SUB1: variants seen among roughly 807,000 people sequenced by gnomAD.
The protein encoded by SUB1 is SUB1 regulator of transcription.
A neutral mutation model predicts 16.9 loss-of-function variants in SUB1; 1 was observed. The observed-to-expected ratio is 0.06, with a 90% CI of 0.02 to 0.28. The LOEUF (loss-of-function observed/expected upper bound fraction) is 0.28. Among genes scored for constraint, SUB1 ranks in the 10% least tolerant of loss-of-function variants. The pLI is 1.00. For synonymous variants in SUB1, 51 were observed against 46.9 expected, an observed-to-expected ratio of 1.09 and a Z score of -0.36; for missense variants, 84 against 145.2, an observed-to-expected ratio of 0.58 and a Z score of 2.16.
At position 32,591,616 on chromosome 5, in the gene SUB1, A is replaced by G. The variant is rs777832869; in HGVS notation, c.126A>G (p.Thr42=). ...APEKPVKKQK[T]GETSRALSSS... ...AAAAACCTGTAAAGAAACAAAAGAC[A>G]GGTGAGACTTCGAGAGCCCTGTCAT... The change falls in exon 3 of 5, where the codon ACA becomes ACG. Residue 42 remains threonine (T), a synonymous_variant. Coordinates refer to ENST00000265073, the MANE Select transcript of SUB1 (RefSeq NM_006713.4). 1.4e-5 allele frequency: 23 copies of G among 1,610,976 alleles called. No individual in the cohort carries two copies. The South Asian group carries it at 2.2e-4, about 16-fold the overall frequency.
At chr5:32,597,286 T>G (rs1738992049) in intron 3 of SUB1, 1 of 152,356 alleles carries the variant, frequency 6.6e-6, no homozygotes, top group African/African-American at 2.4e-5. Flanking sequence ...TTTTTGTTCC[T>G]GTGAACTTGA....
intron 2 of SUB1, chr5:32,591,312 CT>C: frequency 3.3e-6 from 1 of 307,128 alleles, no homozygotes; most frequent in Non-Finnish European, 5.6e-6. Context: ...ATAACCGTTC[CT>C]GTGGTTAATA....
chr5:32,585,973 T>G (rs1464477570), intron 1 of SUB1: 1 of 152,188 alleles, frequency 6.6e-6, no homozygotes, highest in East Asian at 1.9e-4. Context: ...CCTGCCTAGG[T>G]GGGGCGCGTG....
intron 4 of SUB1, 86 bp downstream of exon 4, chr5:32,599,155 C>G (rs1232961154): frequency 1.1e-6 from 1 of 911,390 alleles, no homozygotes; most frequent in African/African-American, 1.7e-5. Flanking sequence ...GTTGGCAGGA[C>G]ACACGGGGCA....
rs869162096 is a variant in SUB1, at chr5:32,603,829, ATCTC to A, written c.*2748_*2751del. On this transcript the variant is annotated 3_prime_UTR_variant, in exon 5 of 5. Coordinates refer to ENST00000265073, the MANE Select transcript of SUB1 (RefSeq NM_006713.4). ...AAAGTAAAAGTACTTAAATTTAGGT[ATCTC>A]TCCTGAAATTCTTTGCAGTTCATTT... is the stretch of plus-strand genomic sequence containing the variant. 1.3e-5 allele frequency: 2 copies of A among 152,164 alleles called. No homozygotes were observed. Among genetic ancestry groups the A allele is most frequent in the African/African-American group, 4.8e-5 (2 of 41,446 alleles). 9.4% of individuals were successfully genotyped at this position (152,164 alleles called of 1,614,324 possible).
chr5:32,592,998 G>A (rs541075790), intron 3 of SUB1, among the ~76,000 whole-genome samples: 1 of 152,252 alleles, frequency 6.6e-6, no homozygotes, highest in South Asian at 2.1e-4. Flanking sequence ...AAACCAAAAA[G>A]TTGGGTGGAA....
chr5:32,591,420 G>A lies in SUB1; in HGVS notation c.73-143G>A, dbSNP rs777620917. On this transcript the variant is annotated intron_variant, in intron 2 of 4. Coordinates refer to ENST00000265073, the MANE Select transcript of SUB1 (RefSeq NM_006713.4). ...TGGTTAGATTCATAGTTTTGTTGTT[G>A]AGTGAAACTTGCTTATGTATATATT... 10 of 1,144,854 alleles carry A rather than the reference G, an allele frequency of 8.7e-6. No homozygotes were observed. The African/African-American group carries it at 1.6e-4, about 18-fold the overall frequency. The allele number at this position is 1,144,854 out of a possible 1,614,324, so 70.9% of individuals were successfully genotyped here.
In SUB1 at chr5:32,603,384, A is replaced by G. The variant is rs1435438420; in HGVS notation, c.*2300A>G. 2 of 152,142 alleles carry G rather than the reference A, an allele frequency of 1.3e-5. No homozygotes were observed. Among genetic ancestry groups the G allele is most frequent in the Non-Finnish European group, 2.9e-5 (2 of 67,984 alleles). The allele number at this position is 152,142 out of a possible 1,614,324, so 9.4% of individuals were successfully genotyped here. On this transcript the variant is annotated 3_prime_UTR_variant, in exon 5 of 5. Coordinates refer to ENST00000265073, the MANE Select transcript of SUB1 (RefSeq NM_006713.4). Reference sequence around the variant, plus strand: ...TTAGGCGTAGATACCTTACCTTACAATGCCAAAATGAATTTAATTCCAGTA... The same window carrying G: ...TTAGGCGTAGATACCTTACCTTACAGTGCCAAAATGAATTTAATTCCAGTA...
chr5:32,597,794 A>G (rs187072994), intron 3 of SUB1: 50 of 152,342 alleles, frequency 3.3e-4, no homozygotes, highest in Admixed American at 7.2e-4. Flanking sequence ...TAACATAAAC[A>G]GTTAACATAT....
At chr5:32,600,898 C>G in intron 4 of SUB1, 107 bp from the exon 5 acceptor site, 1 of 1,023,602 alleles carries the variant, frequency 9.8e-7, no homozygotes, top group South Asian at 1.3e-5. Flanking sequence ...AGCCACCGCG[C>G]CCAGCCTAAA....
At position 32,601,051 on chromosome 5, in the gene SUB1, T is replaced by G; in HGVS notation, c.351T>G (p.Ile117Met). 1 of 1,612,172 alleles carries G rather than the reference T, an allele frequency of 6.2e-7. No individual in the cohort carries two copies. Among genetic ancestry groups the G allele is most frequent in the Non-Finnish European group, 8.5e-7 (1 of 1,179,802 alleles). Residue 117 changes from isoleucine (I) to methionine (M), a missense_variant, in exon 5 of 5, where the codon ATT becomes ATG. This residue lies in a region of SUB1 where 24 missense variants were observed against 80.3 expected (regional missense o/e 0.30). Transcript: ENST00000265073. ...AATGGAGCCAGCTGAAGGAACAGAT[T>G]TCTGACATTGATGATGCAGTAAGAA... ...PEQWSQLKEQ[I>M]SDIDDAVRKL
At chr5:32,592,547 G>C (rs368980242) in intron 3 of SUB1, among the ~76,000 whole-genome samples, 1 of 152,208 alleles carries the variant, frequency 6.6e-6, no homozygotes, top group Admixed American at 6.5e-5. Flanking sequence ...ATGCAGGTGA[G>C]ATTGCTTAGG....
At chr5:32,587,931 A>G (rs1214346766) in intron 1 of SUB1, among the ~76,000 whole-genome samples, 1 of 152,072 alleles carries the variant, frequency 6.6e-6, no homozygotes, top group Non-Finnish European at 1.5e-5. Context: ...AATTTTGTGT[A>G]CTCTTGAATT....
intron 4 of SUB1, among the ~76,000 whole-genome samples, chr5:32,600,546 T>C (rs997583325): frequency 6.6e-6 from 1 of 152,122 alleles, no homozygotes; most frequent in Non-Finnish European, 1.5e-5. Context: ...TGTGATGATA[T>C]GTAATTAACA....
chr5:32,596,916 T>C (rs1447410457), intron 3 of SUB1: 1 of 152,228 alleles, frequency 6.6e-6, no homozygotes, highest in Non-Finnish European at 1.5e-5. Context: ...TGAAAAATAA[T>C]TTTCTGTGAA....
At chr5:32,598,783 A>C (rs1739043765) in intron 3 of SUB1, 178 bp from the exon 4 acceptor site, 2 of 424,374 alleles carry the variant, frequency 4.7e-6, no homozygotes, top group Non-Finnish European at 8.3e-6. Context: ...TTTATTGAAA[A>C]AAATATGCAT....
intron 3 of SUB1, among the ~76,000 whole-genome samples, chr5:32,594,392 T>C (rs116823256): frequency 0.014 from 2,200 of 152,330 alleles, 56 homozygotes; most frequent in African/African-American, 0.049. Flanking sequence ...TTAATCCATA[T>C]TTTTCTTCAG....
rs1739001300 is a variant in SUB1, at chr5:32,597,636, T to C, written c.196-1325T>C. ...CAGCAATTTCCTTTGGTTGCAGTTT[T>C]GATACTGAGAGTAGTACAGTTGACC... is the stretch of plus-strand genomic sequence containing the variant. On this transcript the variant is annotated intron_variant, in intron 3 of 4. Transcript: ENST00000265073. 3 of 152,320 alleles carry C rather than the reference T, an allele frequency of 2.0e-5. No individual in the cohort carries two copies. The South Asian group carries it at 6.2e-4, about 32-fold the overall frequency. The allele number at this position is 152,320 out of a possible 1,614,324, so 9.4% of individuals were successfully genotyped here.
At chr5:32,586,970 T>C (rs928545852) in intron 1 of SUB1, among the ~76,000 whole-genome samples, 8 of 152,254 alleles carry the variant, frequency 5.3e-5, no homozygotes, top group African/African-American at 1.9e-4. Flanking sequence ...GCAAGTTTCA[T>C]CTAGAGAGCT....
Sources: allele counts gnomAD v4.1 joint callset (sites outside exome capture counted in the v4.1 genomes callset), GRCh38; gene constraint gnomAD v4.1.1; regional missense constraint gnomAD v4.1.1; transcripts MANE v1.5; gene names NCBI Gene and HGNC (gene_info 2026-07-23, HGNC 2026-07-21).